The following GARNL3 variants were observed in gnomAD, a reference collection of about 807,000 sequenced individuals.
GARNL3 encodes the protein GTPase activating Rap/RanGAP domain like 3, also known as GTPase-activating Rap/Ran-GAP domain-like protein 3.
GARNL3 carries 63 observed loss-of-function variants against 125.0 expected under a neutral mutation model. The observed-to-expected ratio is 0.50, with a 90% CI of 0.41 to 0.62. GARNL3 has a LOEUF of 0.62. Among genes scored for constraint, GARNL3 ranks in the 20% least tolerant of loss-of-function variants. GARNL3 has a pLI of 0.00. For synonymous variants in GARNL3, 439 were observed against 457.5 expected, an observed-to-expected ratio of 0.96 and a Z score of 0.52; for missense variants, 994 against 1,244.0, an observed-to-expected ratio of 0.80 and a Z score of 3.02.
chr9:127,301,931 T>C, intron 2 of GARNL3, among the ~76,000 whole-genome samples: 1 of 113,830 alleles, frequency 8.8e-6, no homozygotes, highest in Non-Finnish European at 1.8e-5. Context: ...AGGACTTTTT[T>C]TTTTTTTTTT....
At chr9:127,233,636 A>G (rs919199350) in intron 1 of GARNL3, among the ~76,000 whole-genome samples, 4 of 152,224 alleles carry the variant, frequency 2.6e-5, no homozygotes, top group Non-Finnish European at 5.9e-5. Flanking sequence ...GAGCCCTACC[A>G]TAGACAGAAG....
At chr9:127,295,502 T>C (rs2064560360) in intron 2 of GARNL3, among the ~76,000 whole-genome samples, 1 of 152,140 alleles carries the variant, frequency 6.6e-6, no homozygotes, top group Non-Finnish European at 1.5e-5. Context: ...TACAATTCAA[T>C]TCTCACACCG....
At chr9:127,346,093 T>C (rs930859875) in intron 16 of GARNL3, among the ~76,000 whole-genome samples, 1 of 152,238 alleles carries the variant, frequency 6.6e-6, no homozygotes, top group African/African-American at 2.4e-5. Flanking sequence ...AAAAAATTCT[T>C]TGGCTATTTA....
At chr9:127,225,711 G>A (rs998896459) in intron 1 of GARNL3, among the ~76,000 whole-genome samples, 1 of 150,650 alleles carries the variant, frequency 6.6e-6, no homozygotes, top group Non-Finnish European at 1.5e-5. Context: ...AAACCCTCAA[G>A]GGCAAGGTCG....
intron 20 of GARNL3, 130 bp from the exon 21 acceptor site, chr9:127,357,089 G>A (rs1341795177): frequency 1.2e-5 from 10 of 834,230 alleles, no homozygotes; most frequent in African/African-American, 1.0e-4. Context: ...CTTCTTCCCT[G>A]TAGCACGGGG....
intron 16 of GARNL3, 140 bp from the exon 17 acceptor site, chr9:127,348,784 C>A (rs1830274246): frequency 3.5e-6 from 2 of 570,398 alleles, no homozygotes; most frequent in Non-Finnish European, 6.1e-6. Flanking sequence ...TGAGTCCAGA[C>A]CCCAGGGTTT....
chr9:127,232,115 G>A (rs2063029057), intron 1 of GARNL3, among the ~76,000 whole-genome samples: 1 of 152,164 alleles, frequency 6.6e-6, no homozygotes, highest in African/African-American at 2.4e-5. Context: ...TTCCCTGAGA[G>A]TGAAGTCAAA....
In GARNL3 at chr9:127,325,090, C is replaced by T; in HGVS notation, c.589C>T (p.Gln197Ter). The T allele has an allele frequency of 1.9e-6, 3 of 1,613,320 alleles. No homozygotes were observed. Among genetic ancestry groups the T allele is most frequent in the Non-Finnish European group, 2.5e-6 (3 of 1,179,330 alleles). The change falls in exon 7 of 28, where the codon CAA becomes TAA. Residue 197 changes from glutamine to a stop codon, truncating the protein, a stop_gained. Coordinates refer to ENST00000373387, the MANE Select transcript of GARNL3 (RefSeq NM_032293.5). LOFTEE classifies it high-confidence loss of function. ...IQKDLLVLEE[Q>*]EGSVNFKFGV... is the part of the protein sequence containing the mutation. ...ACAGGACTTGCTGGTTCTTGAAGAA[C>T]AAGAGGTGAGTAATTCTATGGAGAT...
intron 1 of GARNL3, among the ~76,000 whole-genome samples, chr9:127,228,034 A>G (rs984799337): frequency 5.9e-5 from 9 of 152,236 alleles, no homozygotes; most frequent in Non-Finnish European, 1.2e-4. Flanking sequence ...GGTATTAACT[A>G]GCCTTTTTTC....
intron 1 of GARNL3, among the ~76,000 whole-genome samples, chr9:127,269,916 T>C (rs2063785059): frequency 6.6e-6 from 1 of 152,100 alleles, no homozygotes; most frequent in Non-Finnish European, 1.5e-5. Flanking sequence ...GTGCCTTTAA[T>C]GCACAGAAGT....
At chr9:127,261,360 A>G (rs1236726222), upstream of GARNL3, among the ~76,000 whole-genome samples, 8 of 151,778 alleles carry the variant, frequency 5.3e-5, no homozygotes, top group African/African-American at 1.7e-4. Flanking sequence ...GCTGGCAGAT[A>G]AGGAAAGAGA....
In GARNL3 at chr9:127,313,891, G is replaced by C. The variant is rs115442345; in HGVS notation, c.438+332G>C. ...CTTTACAATTTTTTTGCCTCCTCCTGCTCCTCTTGTGGTTGGTATTTGTGC... is the reference window on the plus strand; with the variant it reads ...CTTTACAATTTTTTTGCCTCCTCCTCCTCCTCTTGTGGTTGGTATTTGTGC... On this transcript the variant is annotated intron_variant, in intron 4 of 27. Coordinates refer to ENST00000373387, the MANE Select transcript of GARNL3 (RefSeq NM_032293.5). Among the ~76,000 whole-genome samples the C allele has an allele frequency of 3.4e-3, 518 of 152,158 alleles. 5 individuals are homozygous for C. Among genetic ancestry groups the C allele is most frequent in the African/African-American group, 0.011 (462 of 41,514 alleles).
chr9:127,356,079 C>T (rs926256479), intron 20 of GARNL3, among the ~76,000 whole-genome samples: 1 of 152,200 alleles, frequency 6.6e-6, no homozygotes, highest in Non-Finnish European at 1.5e-5. Context: ...CTCTTGAGCC[C>T]TCAGGCCATT....
intron 4 of GARNL3, among the ~76,000 whole-genome samples, chr9:127,317,454 G>A (rs1300636710): frequency 2.6e-5 from 4 of 152,138 alleles, no homozygotes; most frequent in African/African-American, 9.7e-5. Flanking sequence ...GCCGGGCGTG[G>A]TGGCTCATGC....
chr9:127,225,293 G>A, intron 1 of GARNL3: 1 of 971,474 alleles, frequency 1.0e-6, no homozygotes, highest in Non-Finnish European at 1.2e-6. Context: ...GCCCGAGCCC[G>A]CGGCCCCCGC....
At chr9:127,243,261 AAAG>A in intron 2 of GARNL3, 1 of 1,366,328 alleles carries the variant, frequency 7.3e-7, no homozygotes, top group Non-Finnish European at 9.8e-7. Flanking sequence ...TAAGTAAGTA[AAAG>A]AAGCATCATC....
At chr9:127,321,259 G>A (rs1167597713) in intron 6 of GARNL3, among the ~76,000 whole-genome samples, 1 of 152,050 alleles carries the variant, frequency 6.6e-6, no homozygotes, top group Non-Finnish European at 1.5e-5. Flanking sequence ...TCAGCCTCTA[G>A]TAGCTGGGAT....
chr9:127,251,690 TTA>T (rs780940316), intron 2 of GARNL3, among the ~76,000 whole-genome samples: 6 of 152,206 alleles, frequency 3.9e-5, no homozygotes, highest in Non-Finnish European at 8.8e-5. Context: ...GCATTTATTT[TTA>T]TGTTTGAGAC....
At chr9:127,316,964 C>T (rs2065257547) in intron 4 of GARNL3, among the ~76,000 whole-genome samples, 1 of 152,138 alleles carries the variant, frequency 6.6e-6, no homozygotes, top group African/African-American at 2.4e-5. Flanking sequence ...CTCCTCTAGC[C>T]GTTTGTGATG....
Sources: allele counts gnomAD v4.1 joint callset (sites outside exome capture counted in the v4.1 genomes callset), GRCh38; gene constraint gnomAD v4.1.1; transcripts MANE v1.5; gene names NCBI Gene and HGNC (gene_info 2026-07-23, HGNC 2026-07-21).